CMSS1: variants seen among roughly 807,000 people sequenced by gnomAD.
CMSS1 encodes protein CMSS1.
A neutral mutation model predicts 43.5 loss-of-function variants in CMSS1; 33 were observed. That is an observed-to-expected ratio of 0.76 (90% CI 0.57 to 1.01). The LOEUF (loss-of-function observed/expected upper bound fraction) is 1.01. Ranked by LOEUF, CMSS1 falls within the 50% of genes least tolerant of loss-of-function variation. The pLI is 0.00. For synonymous variants in CMSS1, 115 were observed against 117.2 expected, an observed-to-expected ratio of 0.98 and a Z score of 0.12; for missense variants, 313 against 326.4, an observed-to-expected ratio of 0.96 and a Z score of 0.32.
chr3:99,983,458 A>ATATGTG (rs771146451), intron 1 of CMSS1, among the ~76,000 whole-genome samples: 7 of 16,246 alleles, frequency 4.3e-4, no homozygotes, highest in South Asian at 1.7e-3. Flanking sequence ...ATATATATAT[A>ATATGTG]TGTGTGTATA....
intron 1 of CMSS1, among the ~76,000 whole-genome samples, chr3:100,132,388 A>G (rs2066715960): frequency 6.6e-6 from 1 of 151,752 alleles, no homozygotes; most frequent in African/African-American, 2.4e-5. Flanking sequence ...GGGCAACAGA[A>G]TGAAAGCCTA....
intron 1 of CMSS1, among the ~76,000 whole-genome samples, chr3:100,077,909 A>G (rs143901536): frequency 1.4e-4 from 22 of 152,190 alleles, no homozygotes; most frequent in African/African-American, 5.3e-4. Context: ...CCCTGTCTCA[A>G]AAAAAATAAG....
chr3:100,132,919 TAGAA>T (rs2066721917), intron 1 of CMSS1, among the ~76,000 whole-genome samples: 1 of 152,026 alleles, frequency 6.6e-6, no homozygotes, highest in African/African-American at 2.4e-5. Context: ...TTTACAATAT[TAGAA>T]AGGTAATATT....
At chr3:99,967,824 A>AT (rs1708698103) in intron 1 of CMSS1, among the ~76,000 whole-genome samples, 1 of 152,126 alleles carries the variant, frequency 6.6e-6, no homozygotes, top group Non-Finnish European at 1.5e-5. Flanking sequence ...TATATACATG[A>AT]TTTTGAGTGA....
intron 1 of CMSS1, among the ~76,000 whole-genome samples, chr3:99,959,646 C>A (rs13059754): frequency 0.55 from 83,735 of 151,852 alleles, 23,615 homozygotes; most frequent in East Asian, 0.71. Context: ...AATGCTATAG[C>A]CTTTTAGAGA....
In CMSS1 at chr3:100,060,657, C is replaced by A. The variant is rs141445425; in HGVS notation, c.65-86316C>A. On this transcript the variant is annotated intron_variant, in intron 1 of 9. Transcript: ENST00000421999. ...ATACCTTGAGCTCACAAATTTGAGA[C>A]CAGCCTGGGCAATATAGTGAAACCC... Among the ~76,000 whole-genome samples the A allele has an allele frequency of 4.6e-3, 706 of 152,048 alleles. 2 individuals are homozygous for A. Among genetic ancestry groups the A allele is most frequent in the South Asian group, 7.1e-3 (34 of 4,812 alleles).
At position 99,849,694 on chromosome 3, in the gene CMSS1, C is replaced by T. The variant is rs201639756; in HGVS notation, c.64+31651C>T. The stretch of plus-strand genomic sequence containing the variant: ...TTTGTCTCGTTCATTAGCATACCTT[C>T]GTTCTAGAGTCTCATATTCATCTTC... On this transcript the variant is annotated intron_variant, in intron 1 of 9. Coordinates refer to ENST00000421999, the MANE Select transcript of CMSS1 (RefSeq NM_032359.4). 3.3e-4 allele frequency: 527 copies of T among 1,613,358 alleles called. No homozygotes were observed. The highest frequency in any genetic ancestry group is 1.9e-3 in the South Asian group (172 of 90,974).
At chr3:99,949,204 C>T (rs532868641) in intron 1 of CMSS1, among the ~76,000 whole-genome samples, 1 of 152,260 alleles carries the variant, frequency 6.6e-6, no homozygotes, top group South Asian at 2.1e-4. Flanking sequence ...AAAAACTTGC[C>T]TTGTAACCTC....
chr3:100,138,436 C>T (rs565660950), intron 1 of CMSS1, among the ~76,000 whole-genome samples: 67 of 152,218 alleles, frequency 4.4e-4, no homozygotes, highest in African/African-American at 1.5e-3. Flanking sequence ...ATTTTGCAAT[C>T]TACCTATCTG....
At chr3:100,136,531 C>G (rs909255804) in intron 1 of CMSS1, among the ~76,000 whole-genome samples, 3 of 152,202 alleles carry the variant, frequency 2.0e-5, no homozygotes, top group African/African-American at 7.2e-5. Context: ...CAATGAATTC[C>G]TCATTTTCAT....
chr3:99,911,955 A>G (rs1414237727), intron 1 of CMSS1, among the ~76,000 whole-genome samples: 1 of 152,086 alleles, frequency 6.6e-6, no homozygotes, highest in Non-Finnish European at 1.5e-5. Context: ...TTTTCCAGCA[A>G]ATAATCATTT....
intron 1 of CMSS1, among the ~76,000 whole-genome samples, chr3:99,995,531 A>G (rs111633828): frequency 6.6e-6 from 1 of 152,140 alleles, no homozygotes. Context: ...TCACAGCTCC[A>G]CTAGGCAGTG....
intron 1 of CMSS1, among the ~76,000 whole-genome samples, chr3:99,994,078 G>A: frequency 6.6e-6 from 1 of 152,172 alleles, no homozygotes; most frequent in Non-Finnish European, 1.5e-5. Flanking sequence ...GAATTCAGCT[G>A]TGAATCCATT....
At chr3:99,937,532 G>A (rs546841523) in intron 1 of CMSS1, among the ~76,000 whole-genome samples, 1 of 152,332 alleles carries the variant, frequency 6.6e-6, no homozygotes, top group South Asian at 2.1e-4. Context: ...CAACATGTTA[G>A]CTCTGTGGCC....
At chr3:99,898,503 A>C (rs1412605718) in intron 1 of CMSS1, 1 of 152,374 alleles carries the variant, frequency 6.6e-6, no homozygotes, top group African/African-American at 2.4e-5. Flanking sequence ...GCGTTGGCTC[A>C]TGCCTGTTAT....
chr3:100,123,015 A>G (rs1317952258), intron 1 of CMSS1, among the ~76,000 whole-genome samples: 1 of 152,252 alleles, frequency 6.6e-6, no homozygotes, highest in Non-Finnish European at 1.5e-5. Context: ...GGGAGATTAT[A>G]TTTAAAAAGC....
intron 1 of CMSS1, among the ~76,000 whole-genome samples, chr3:99,821,116 GTCT>G (rs1344310610): frequency 1.3e-5 from 2 of 152,174 alleles, no homozygotes; most frequent in African/African-American, 4.8e-5. Context: ...CTGTTATCAT[GTCT>G]TCTTAGATGT....
At chr3:99,983,642 A>G (rs1709239572) in intron 1 of CMSS1, among the ~76,000 whole-genome samples, 3 of 147,734 alleles carry the variant, frequency 2.0e-5, no homozygotes, top group South Asian at 4.4e-4. Flanking sequence ...ATGAGCTGAG[A>G]TGGTGCCACT....
At chr3:100,066,102 G>A (rs1450471180) in intron 1 of CMSS1, among the ~76,000 whole-genome samples, 1 of 152,190 alleles carries the variant, frequency 6.6e-6, no homozygotes, top group Admixed American at 6.5e-5. Context: ...TACTCTTTAA[G>A]AGATTACCAT....
Sources: allele counts gnomAD v4.1 joint callset (sites outside exome capture counted in the v4.1 genomes callset), GRCh38; gene constraint gnomAD v4.1.1; transcripts MANE v1.5; gene names NCBI Gene and HGNC (gene_info 2026-07-23, HGNC 2026-07-21).